Variants in SLC4A4 observed in about 807,000 individuals in gnomAD.
SLC4A4 encodes the protein electrogenic sodium bicarbonate cotransporter 1.
In SLC4A4, 27 loss-of-function variants were observed where a neutral mutation model predicts 111.5. The ratio of observed to expected loss-of-function variants is 0.24; its 90% CI spans 0.18 to 0.33. SLC4A4 has a LOEUF of 0.33. SLC4A4 is among the 10% of genes least tolerant of loss of function. The pLI, the probability that SLC4A4 is intolerant of heterozygous loss-of-function variation, is 1.00. For missense variants in SLC4A4, 909 were observed against 1,315.5 expected, an observed-to-expected ratio of 0.69 and a Z score of 4.78; for synonymous variants, 443 against 463.4, an observed-to-expected ratio of 0.96 and a Z score of 0.57.
At chr4:71,249,676 G>A (rs1184875452) in intron 2 of SLC4A4, among the ~76,000 whole-genome samples, 2 of 152,054 alleles carry the variant, frequency 1.3e-5, no homozygotes, top group East Asian at 1.9e-4. Context: ...ATCACTTGAG[G>A]TCAGGAGTTC....
intron 1 of SLC4A4, among the ~76,000 whole-genome samples, chr4:71,070,638 G>A (rs559290731): frequency 3.2e-4 from 49 of 152,308 alleles, no homozygotes; most frequent in African/African-American, 1.2e-3. Context: ...TGGTGACATA[G>A]TGGGCTAGAA....
At chr4:71,064,849 A>G (rs1407168411) in intron 1 of SLC4A4, among the ~76,000 whole-genome samples, 1 of 152,222 alleles carries the variant, frequency 6.6e-6, no homozygotes, top group Non-Finnish European at 1.5e-5. Flanking sequence ...TAGACGAGTT[A>G]TTTAACATCC....
In SLC4A4 at chr4:71,466,931, A is replaced by AAGAGAGAG. The variant is rs61128918; in HGVS notation, c.1631+381_1631+388dup. Among the ~76,000 whole-genome samples the AAGAGAGAG allele has an allele frequency of 5.9e-3, 561 of 94,800 alleles. 3 individuals are homozygous for AAGAGAGAG. Among genetic ancestry groups the AAGAGAGAG allele is most frequent in the African/African-American group, 0.016 (538 of 32,668 alleles). The allele number at this position is 94,800 out of a possible 152,430, so 62.2% of individuals were successfully genotyped here. A position where few individuals can be genotyped will look rare whatever the true frequency, so the allele number is the denominator to read the frequency against. On this transcript the variant is annotated intron_variant, in intron 13 of 25. Transcript: ENST00000264485. ...TAATGGGGAGTACCAACAAGACGGG[A>AAGAGAGAG]AGAGAGAGAGAGAGAGAGAGAGAGA...
intron 3 of SLC4A4, among the ~76,000 whole-genome samples, chr4:71,307,792 G>A (rs1725811885): frequency 6.6e-6 from 1 of 152,094 alleles, no homozygotes; most frequent in African/African-American, 2.4e-5. Context: ...GCAAACAAAC[G>A]GAAGTATTCT....
At chr4:71,438,435 G>C (rs1212017129) in intron 7 of SLC4A4, among the ~76,000 whole-genome samples, 2 of 152,196 alleles carry the variant, frequency 1.3e-5, no homozygotes, top group African/African-American at 2.4e-5. Flanking sequence ...GTTCCTGTGA[G>C]AAAGTCAGGG....
intron 2 of SLC4A4, among the ~76,000 whole-genome samples, chr4:71,093,220 T>C (rs903699927): frequency 6.6e-6 from 1 of 151,918 alleles, no homozygotes; most frequent in Non-Finnish European, 1.5e-5. Context: ...CAGGCTGGAG[T>C]GCACTGGCGT....
chr4:71,531,656 C>T (rs1251863104), intron 16 of SLC4A4, among the ~76,000 whole-genome samples: 1 of 151,584 alleles, frequency 6.6e-6, no homozygotes, highest in Non-Finnish European at 1.5e-5. Flanking sequence ...ATAATATGTA[C>T]TTAGTTTTCA....
chr4:71,443,116 C>CTCTCTCTCTATATA (rs1198759861), intron 8 of SLC4A4, among the ~76,000 whole-genome samples: 26 of 65,650 alleles, frequency 4.0e-4, no homozygotes, highest in African/African-American at 8.7e-4. Context: ...CTCTCTCTCT[C>CTCTCTCTCTATATA]TATATATATA....
chr4:71,337,173 A>G (rs549776783), intron 3 of SLC4A4, among the ~76,000 whole-genome samples: 5 of 152,352 alleles, frequency 3.3e-5, no homozygotes, highest in African/African-American at 4.8e-5. Flanking sequence ...TTTGTACTTT[A>G]TGAAATTACT....
intron 2 of SLC4A4, among the ~76,000 whole-genome samples, chr4:71,160,770 T>A (rs1744598146): frequency 6.7e-6 from 1 of 149,818 alleles, no homozygotes; most frequent in African/African-American, 2.4e-5. Flanking sequence ...CCGAATAGAG[T>A]CAAAATACCC....
intron 14 of SLC4A4, among the ~76,000 whole-genome samples, chr4:71,485,707 C>A (rs1270882901): frequency 6.6e-6 from 1 of 150,910 alleles, no homozygotes; most frequent in African/African-American, 2.4e-5. Context: ...AAAAGTAGGG[C>A]TCAAGCTAAA....
intron 6 of SLC4A4, among the ~76,000 whole-genome samples, chr4:71,366,232 A>T (rs1282732664): frequency 6.6e-6 from 1 of 152,126 alleles, no homozygotes; most frequent in Non-Finnish European, 1.5e-5. Flanking sequence ...GCAATCCCAA[A>T]AGAGTCCTAA....
intron 2 of SLC4A4, among the ~76,000 whole-genome samples, chr4:71,117,816 A>T (rs1472496413): frequency 6.6e-6 from 1 of 151,654 alleles, no homozygotes; most frequent in Non-Finnish European, 1.5e-5. Flanking sequence ...TTCCATTGTG[A>T]TTCCTTCTTT....
chr4:71,128,385 A>G (rs1324659355), intron 2 of SLC4A4, among the ~76,000 whole-genome samples: 1 of 152,174 alleles, frequency 6.6e-6, no homozygotes, highest in African/African-American at 2.4e-5. Context: ...GGGTCCCCAC[A>G]TGTGGGAATT....
intron 2 of SLC4A4, among the ~76,000 whole-genome samples, chr4:71,131,574 C>A (rs2148961715): frequency 6.6e-6 from 1 of 152,282 alleles, no homozygotes; most frequent in South Asian, 2.1e-4. Context: ...GAAGTATATG[C>A]AAATTACTTG....
intron 3 of SLC4A4, among the ~76,000 whole-genome samples, chr4:71,274,184 A>G (rs1260713479): frequency 6.6e-6 from 1 of 152,222 alleles, no homozygotes; most frequent in African/African-American, 2.4e-5. Flanking sequence ...TGTCATTAAG[A>G]GAATCGTAAT....
At chr4:71,394,522 G>A (rs1322797138) in intron 6 of SLC4A4, among the ~76,000 whole-genome samples, 3 of 152,078 alleles carry the variant, frequency 2.0e-5, no homozygotes, top group Non-Finnish European at 4.4e-5. Flanking sequence ...TGTGGATGGC[G>A]GTGATCAGGG....
At chr4:71,522,502 CAT>C (rs1002987266) in intron 16 of SLC4A4, among the ~76,000 whole-genome samples, 2 of 152,072 alleles carry the variant, frequency 1.3e-5, no homozygotes, top group Non-Finnish European at 2.9e-5. Context: ...AAATGAAAAC[CAT>C]AGTTTAAAAA....
intron 2 of SLC4A4, among the ~76,000 whole-genome samples, chr4:71,140,155 C>T (rs1743955286): frequency 6.6e-6 from 1 of 152,162 alleles, no homozygotes; most frequent in South Asian, 2.1e-4. Flanking sequence ...CATAGTGGCT[C>T]ACGCTTGTAA....
Sources: gnomAD v4.1 joint callset for allele counts (sites outside exome capture counted in the v4.1 genomes callset) on GRCh38, gnomAD v4.1.1 for gene constraint, MANE v1.5 for transcripts, NCBI Gene and HGNC (gene_info 2026-07-23, HGNC 2026-07-21) for gene names.